The following ARB2A variants were observed in gnomAD, a reference collection of about 807,000 sequenced individuals.
The protein encoded by ARB2A is ARB2 cotranscriptional regulator A, also known as cotranscriptional regulator ARB2A.
the ARB2A span, among the ~76,000 whole-genome samples, chr5:93,973,058 C>A: frequency 6.6e-6 from 1 of 151,028 alleles, no homozygotes; most frequent in African/African-American, 2.4e-5. Context: ...AACTGATCCT[C>A]CCACTTTAGC....
chr5:93,650,244 T>C, the ARB2A span, among the ~76,000 whole-genome samples: 3 of 151,858 alleles, frequency 2.0e-5, no homozygotes, highest in African/African-American at 7.2e-5. Context: ...AATAAACTAT[T>C]CTATACATGT....
chr5:93,721,263 T>C, the ARB2A span, among the ~76,000 whole-genome samples: 5 of 152,092 alleles, frequency 3.3e-5, no homozygotes, highest in Non-Finnish European at 7.4e-5. Context: ...AAACCATAAG[T>C]GTTACAGGCT....
the ARB2A span, among the ~76,000 whole-genome samples, chr5:93,923,256 C>T: frequency 6.6e-6 from 1 of 152,034 alleles, no homozygotes; most frequent in Non-Finnish European, 1.5e-5. Context: ...CTATACAAAA[C>T]GTGTGAATCA....
the ARB2A span, among the ~76,000 whole-genome samples, chr5:94,015,270 AC>A: frequency 6.6e-6 from 1 of 152,136 alleles, no homozygotes; most frequent in East Asian, 1.9e-4. Context: ...AAAAACAACT[AC>A]CATCTAAGCA....
At chr5:93,842,839 G>A in the ARB2A span, among the ~76,000 whole-genome samples, 7 of 152,156 alleles carry the variant, frequency 4.6e-5, no homozygotes, top group African/African-American at 1.7e-4. Flanking sequence ...TGACAGGAGA[G>A]GTTTTGAAAT....
At chr5:94,107,489 G>A in the ARB2A span, among the ~76,000 whole-genome samples, 2 of 145,232 alleles carry the variant, frequency 1.4e-5, no homozygotes, top group Admixed American at 1.4e-4. Flanking sequence ...ACCCCCAAGA[G>A]TATCTAATAA....
At chr5:93,829,107 G>A in the ARB2A span, among the ~76,000 whole-genome samples, 291 of 152,196 alleles carry the variant, frequency 1.9e-3, 1 homozygote, top group Non-Finnish European at 3.0e-3. Context: ...ATTCAAGGCC[G>A]TTTGTAAAGT....
chr5:93,927,293 C>T, the ARB2A span, among the ~76,000 whole-genome samples: 1 of 152,182 alleles, frequency 6.6e-6, no homozygotes, highest in African/African-American at 2.4e-5. Flanking sequence ...GGATTATAGA[C>T]TGTAGCTTCA....
the ARB2A span, among the ~76,000 whole-genome samples, chr5:93,715,114 GTACAT>G: frequency 1.5e-4 from 23 of 151,906 alleles, no homozygotes; most frequent in Admixed American, 1.3e-3. Context: ...CTACTTATAT[GTACAT>G]TACAACTACT....
the ARB2A span, among the ~76,000 whole-genome samples, chr5:94,022,002 C>T: frequency 2.6e-5 from 4 of 152,052 alleles, no homozygotes; most frequent in Non-Finnish European, 4.4e-5. Context: ...ACTTGGGAGG[C>T]GGAGGTTACG....
At chr5:93,883,904 TAC>T in the ARB2A span, among the ~76,000 whole-genome samples, 17 of 93,968 alleles carry the variant, frequency 1.8e-4, no homozygotes, top group African/African-American at 6.6e-4. Context: ...TAAACACACA[TAC>T]ACACATACAC....
chr5:93,823,343 C>T, the ARB2A span, among the ~76,000 whole-genome samples: 1 of 152,082 alleles, frequency 6.6e-6, no homozygotes, highest in Non-Finnish European at 1.5e-5. Context: ...ATAATCTTAA[C>T]TCCAAGAATC....
chr5:94,108,736 G>C, the ARB2A span, among the ~76,000 whole-genome samples: 2 of 152,150 alleles, frequency 1.3e-5, no homozygotes, highest in Admixed American at 1.3e-4. Flanking sequence ...AGGATGTGGA[G>C]AAATGGTGAG....
the ARB2A span, among the ~76,000 whole-genome samples, chr5:93,880,712 A>G: frequency 6.6e-6 from 1 of 151,794 alleles, no homozygotes; most frequent in South Asian, 2.1e-4. Flanking sequence ...AACATTCTGA[A>G]TATGTCCAAG....
chr5:93,922,832 G>C, the ARB2A span, among the ~76,000 whole-genome samples: 2 of 152,060 alleles, frequency 1.3e-5, no homozygotes, highest in African/African-American at 4.8e-5. Context: ...AATTATTCAA[G>C]ACTGGTTTTT....
chr5:93,838,239 C>T, the ARB2A span, among the ~76,000 whole-genome samples: 1 of 152,154 alleles, frequency 6.6e-6, no homozygotes, highest in Admixed American at 6.5e-5. Flanking sequence ...ATCCCAGCAC[C>T]ATTTATTGAA....
chr5:93,743,969 A>G, the ARB2A span, among the ~76,000 whole-genome samples: 17 of 152,258 alleles, frequency 1.1e-4, no homozygotes, highest in South Asian at 3.5e-3. Flanking sequence ...CCTGGCTAAC[A>G]GCCCATTTTC....
the ARB2A span, chr5:93,784,137 T>G: frequency 3.5e-6 from 1 of 289,782 alleles, no homozygotes; most frequent in African/African-American, 2.2e-5. Flanking sequence ...TACCATAGAT[T>G]GAACACTATA....
At chr5:93,799,344 C>T in the ARB2A span, among the ~76,000 whole-genome samples, 1 of 151,948 alleles carries the variant, frequency 6.6e-6, no homozygotes. Context: ...TTTTCTTTCC[C>T]CCTCTCCTTG....
Sources: gnomAD v4.1 joint callset for allele counts (sites outside exome capture counted in the v4.1 genomes callset) on GRCh38, gnomAD v4.1.1 for gene constraint, MANE v1.5 for transcripts, NCBI Gene and HGNC (gene_info 2026-07-23, HGNC 2026-07-21) for gene names.